The following ZNF676 variants were observed in gnomAD, a reference collection of about 807,000 sequenced individuals.
ZNF676 encodes the protein zinc finger protein 676.
In ZNF676, 4 loss-of-function variants were observed where a neutral mutation model predicts 6.0. That is an observed-to-expected ratio of 0.67 (90% CI 0.33 to 1.53). ZNF676 has a LOEUF of 1.53. Ranked by LOEUF, ZNF676 falls within the 40% of genes most tolerant of loss-of-function variation. The probability of loss-of-function intolerance (pLI) is 0.06; values close to 1 mark genes in which losing one functional copy is unlikely to be tolerated. For missense variants in ZNF676, 644 were observed against 679.7 expected (o/e 0.95, Z 0.58); for synonymous variants, 198 against 223.1 (o/e 0.89, Z 1.00).
At chr19:22,258,847 G>T in the ZNF676 span, among the ~76,000 whole-genome samples, 1 of 152,182 alleles carries the variant, frequency 6.6e-6, no homozygotes, top group Non-Finnish European at 1.5e-5. Flanking sequence ...AATCACTCAA[G>T]TGCTGGACAA....
At chr19:22,217,999 C>T (rs2024211329), upstream of ZNF676, among the ~76,000 whole-genome samples, 3 of 152,050 alleles carry the variant, frequency 2.0e-5, no homozygotes, top group Non-Finnish European at 4.4e-5. Context: ...CCACCATGCC[C>T]GGCCAATGAT....
rs142135317 is a variant in ZNF676, at chr19:22,181,825, G to C, written c.131-239C>G. 7.6e-3 allele frequency among the ~76,000 whole-genome samples: 1,160 copies of C among 152,064 alleles called. 14 individuals carry two copies. The highest frequency in any genetic ancestry group is 0.026 in the African/African-American group (1,094 of 41,488). On this transcript the variant is annotated intron_variant, in intron 2 of 2. Coordinates refer to ENST00000397121, the MANE Select transcript of ZNF676 (RefSeq NM_001001411.3). ...TTTCCTCAATTAAGCCCAATGCAAA[G>C]AGCCACATAGAAAACAAGAAAAGTT...
At chr19:22,220,577 C>T (rs141428413), upstream of ZNF676, among the ~76,000 whole-genome samples, 394 of 152,032 alleles carry the variant, frequency 2.6e-3, 1 homozygote, top group African/African-American at 8.6e-3. Context: ...CTGCCTAAGC[C>T]TCCCAAGTAG....
At chr19:22,232,029 A>G in the ZNF676 span, among the ~76,000 whole-genome samples, 1 of 152,110 alleles carries the variant, frequency 6.6e-6, no homozygotes, top group East Asian at 1.9e-4. Context: ...ACAAATTTGT[A>G]TATCTGTGTG....
chr19:22,208,096 G>A (rs2024094351), intron 1 of ZNF676, among the ~76,000 whole-genome samples: 1 of 151,430 alleles, frequency 6.6e-6, no homozygotes, highest in Admixed American at 6.6e-5. Context: ...GTTGACAAAT[G>A]GGACCTAAAT....
upstream of ZNF676, among the ~76,000 whole-genome samples, chr19:22,201,236 T>A (rs995761360): frequency 1.3e-5 from 2 of 152,134 alleles, no homozygotes; most frequent in African/African-American, 4.8e-5. Flanking sequence ...AAGATGATTG[T>A]TTACACTTAC....
At chr19:22,218,869 A>G (rs1284470685), upstream of ZNF676, among the ~76,000 whole-genome samples, 1 of 152,102 alleles carries the variant, frequency 6.6e-6, no homozygotes, top group African/African-American at 2.4e-5. Context: ...ATAACCTTGT[A>G]GTATAGTTTG....
chr19:22,181,230 A>G lies in ZNF676; in HGVS notation c.487T>C (p.Tyr163His). 6.2e-7 allele frequency: 1 copy of G among 1,613,836 alleles called. No homozygotes were observed. ...LSHLSQHERI[Y>H]TRENSYKCEE... Reference sequence around the variant, plus strand: ...CATTTGTAGGAATTCTCTCTAGTATAAATTCTTTCATGTTGAGATAGGTGT... The same window carrying G: ...CATTTGTAGGAATTCTCTCTAGTATGAATTCTTTCATGTTGAGATAGGTGT... The change falls in exon 3 of 3, where the codon TAT becomes CAT. Residue 163 changes from tyrosine to histidine, a missense_variant. Tyr to His is a moderately conservative substitution (Grantham distance 83). Coordinates refer to ENST00000397121, the MANE Select transcript of ZNF676 (RefSeq NM_001001411.3).
chr19:22,237,468 CT>C, the ZNF676 span, among the ~76,000 whole-genome samples: 1 of 147,846 alleles, frequency 6.8e-6, no homozygotes, highest in African/African-American at 2.5e-5. Context: ...GCAGTTCTTT[CT>C]GAGTGTAGTG....
intron 2 of ZNF676, among the ~76,000 whole-genome samples, chr19:22,185,668 CA>C (rs1755945162): frequency 6.6e-6 from 1 of 152,086 alleles, no homozygotes; most frequent in Non-Finnish European, 1.5e-5. Context: ...TGAGAATAAT[CA>C]GTTTAGAGAA....
In ZNF676 at chr19:22,180,125, T is replaced by G. The variant is rs1011022842; in HGVS notation, c.1592A>C (p.Lys531Thr). ...GCCACATTCTTCACATTTGTAGGGT[T>G]TCTCTCCAGTATGAATTATCTTATG... ...TEHKIIHTGE[K>T]PYKCEECGKA... Residue 531 changes from lysine to threonine, a missense_variant, in exon 3 of 3, where the codon AAA becomes ACA. Physicochemically the swap from Lys to Thr is moderately conservative, Grantham distance 78 (BLOSUM62 -1). Coordinates refer to ENST00000397121, the MANE Select transcript of ZNF676 (RefSeq NM_001001411.3). The G allele has an allele frequency of 1.2e-6, 2 of 1,613,910 alleles. No homozygotes were observed. The highest frequency in any genetic ancestry group is 3.3e-5 in the Admixed American group (2 of 60,004).
At chr19:22,210,726 G>T (rs1425492983) in intron 1 of ZNF676, among the ~76,000 whole-genome samples, 1 of 151,856 alleles carries the variant, frequency 6.6e-6, no homozygotes, top group African/African-American at 2.4e-5. Context: ...TTCTTTTCTC[G>T]TTAAAAAAAT....
At chr19:22,240,749 G>A in the ZNF676 span, among the ~76,000 whole-genome samples, 1 of 151,916 alleles carries the variant, frequency 6.6e-6, no homozygotes, top group East Asian at 1.9e-4. Flanking sequence ...ACAAGATCAT[G>A]CTACTGCACT....
At chr19:22,237,521 G>T in the ZNF676 span, among the ~76,000 whole-genome samples, 1 of 152,150 alleles carries the variant, frequency 6.6e-6, no homozygotes, top group Non-Finnish European at 1.5e-5. Context: ...CCTCTAGGGG[G>T]CCGCTGGGAC....
intron 1 of ZNF676, among the ~76,000 whole-genome samples, chr19:22,211,310 C>G (rs2024127671): frequency 6.6e-6 from 1 of 152,120 alleles, no homozygotes; most frequent in Non-Finnish European, 1.5e-5. Context: ...GCTGGGACAT[C>G]TGCAGGAAAG....
chr19:22,209,191 G>A (rs1248979285), intron 1 of ZNF676, among the ~76,000 whole-genome samples: 1 of 152,048 alleles, frequency 6.6e-6, no homozygotes, highest in Non-Finnish European at 1.5e-5. Context: ...GAACCCGGGA[G>A]GTGGAGGTTG....
chr19:22,219,343 C>T (rs1381014133), upstream of ZNF676, among the ~76,000 whole-genome samples: 1 of 152,076 alleles, frequency 6.6e-6, no homozygotes, highest in Non-Finnish European at 1.5e-5. Context: ...AAGTGATCCA[C>T]CTGCCTCCAT....
the ZNF676 span, among the ~76,000 whole-genome samples, chr19:22,235,125 AAGG>A: frequency 7.9e-5 from 6 of 75,608 alleles, no homozygotes; most frequent in African/African-American, 2.2e-4. Context: ...GGAAGGCAGG[AAGG>A]AAGGAAGGAA....
chr19:22,216,585 ATT>A (rs376320781), upstream of ZNF676, among the ~76,000 whole-genome samples: 18 of 151,840 alleles, frequency 1.2e-4, no homozygotes, highest in African/African-American at 4.1e-4. Context: ...ACAATCTCAT[ATT>A]TAACTTTTTC....
Sources: allele counts gnomAD v4.1 joint callset (sites outside exome capture counted in the v4.1 genomes callset), GRCh38; gene constraint gnomAD v4.1.1; transcripts MANE v1.5; gene names NCBI Gene and HGNC (gene_info 2026-07-23, HGNC 2026-07-21).